The following CA6 variants were observed in gnomAD, a reference collection of about 807,000 sequenced individuals.
CA6 encodes the protein carbonate dehydratase VI.
In CA6, 28 loss-of-function variants were observed where a neutral mutation model predicts 35.9. The observed-to-expected ratio is 0.78, with a 90% CI of 0.58 to 1.07. CA6 has a LOEUF of 1.07. Ranked by LOEUF, CA6 falls within the 50% of genes least tolerant of loss-of-function variation. CA6 has a pLI of 0.00. For synonymous variants in CA6, 148 were observed against 152.6 expected (o/e 0.97, Z 0.22); for missense variants, 377 against 382.0 (o/e 0.99, Z 0.11).
chr1:8,946,093 A>G, intron 1 of CA6, 128 bp downstream of exon 1: 2 of 634,586 alleles, frequency 3.2e-6, no homozygotes, highest in Non-Finnish European at 5.4e-6. Flanking sequence ...GCTTGAGTAC[A>G]GTAGTGTGAT....
intron 2 of CA6, among the ~76,000 whole-genome samples, chr1:8,950,510 T>C (rs11121273): frequency 0.17 from 25,757 of 151,774 alleles, 2,418 homozygotes; most frequent in East Asian, 0.38. Flanking sequence ...CCTCCTTAGG[T>C]TCTGCACTCT....
rs779631042 is a variant in CA6, at chr1:8,951,647, G to A, written c.259+2205G>A. 1.7e-5 allele frequency: 13 copies of A among 765,026 alleles called. No individual in the cohort carries two copies. In the Admixed American group the frequency reaches 2.2e-4, roughly 13 times the overall value. The allele number at this position is 765,026 out of a possible 1,614,324, so 47.4% of individuals were successfully genotyped here. The stretch of plus-strand genomic sequence containing the variant: ...AGAGAAGAGCCCAGCTTCCCAAGGG[G>A]CTTGCAGCGGCTCCCGCCTCCCAAT... On this transcript the variant is annotated intron_variant, in intron 2 of 7. Transcript: ENST00000377443.
At chr1:8,955,459 TA>T (rs1249196286) in intron 2 of CA6, among the ~76,000 whole-genome samples, 1 of 152,204 alleles carries the variant, frequency 6.6e-6, no homozygotes, top group Non-Finnish European at 1.5e-5. Context: ...CCTGTCAGTG[TA>T]ACCAGAAGTA....
intron 1 of CA6, among the ~76,000 whole-genome samples, chr1:8,948,049 G>A (rs974868481): frequency 6.6e-6 from 1 of 151,994 alleles, no homozygotes; most frequent in Non-Finnish European, 1.5e-5. Flanking sequence ...GTTTCTCCAG[G>A]TTTGTCAGGG....
chr1:8,957,560 C>T (rs548953005), intron 3 of CA6, among the ~76,000 whole-genome samples: 7 of 152,208 alleles, frequency 4.6e-5, no homozygotes, highest in South Asian at 4.1e-4. Context: ...AGGCTGGTCT[C>T]GAACTCTTGA....
chr1:8,954,167 A>C (rs1569672300), intron 2 of CA6, among the ~76,000 whole-genome samples: 2 of 140,654 alleles, frequency 1.4e-5, no homozygotes, highest in Admixed American at 7.4e-5. Flanking sequence ...TTATTCCACT[A>C]CTTCCGTTTT....
chr1:8,974,387 A>G lies in CA6; in HGVS notation c.845-235A>G, dbSNP rs191566022. On this transcript the variant is annotated intron_variant, in intron 7 of 7. Coordinates refer to ENST00000377443, the MANE Select transcript of CA6 (RefSeq NM_001215.4). ...GGCATCGTGGGAGAAGCCAAAATCC[A>G]AGAGTACAGCCCACCTCAACACGCC... 585 of 1,538,832 alleles carry G rather than the reference A, an allele frequency of 3.8e-4. 1 individual carries two copies. The African/African-American group carries it at 7.2e-3, about 19-fold the overall frequency.
chr1:8,958,821 A>C, intron 3 of CA6, 89 bp from the exon 4 acceptor site: 1 of 738,082 alleles, frequency 1.4e-6, no homozygotes, highest in Non-Finnish European at 2.4e-6. Flanking sequence ...CAGACGGAGC[A>C]CCTTTCTTTC....
intron 1 of CA6, among the ~76,000 whole-genome samples, chr1:8,947,192 G>A (rs1367369120): frequency 6.6e-6 from 1 of 152,106 alleles, no homozygotes; most frequent in East Asian, 1.9e-4. Context: ...AGAAGGCCGT[G>A]TCTGTGGACT....
At chr1:8,974,577 AC>A in intron 7 of CA6, 44 bp from the exon 8 acceptor site, 1 of 1,466,494 alleles carries the variant, frequency 6.8e-7, no homozygotes, top group Non-Finnish European at 9.5e-7. Flanking sequence ...TTTTGTGAGG[AC>A]TGTACAAGGT....
rs1173408031 is a variant in CA6 at position 8,973,710 on chromosome 1, CTCTTTCTTTCTTTCTT to C, written c.845-850_845-835del. On this transcript the variant is annotated intron_variant, in intron 7 of 7. Coordinates refer to ENST00000377443, the MANE Select transcript of CA6 (RefSeq NM_001215.4). ...CTCAGGCCTGGATTTTTCTTTCTCT[CTCTTTCTTTCTTTCTT>C]TCTTTCTTTCTTTCTTTCTTTCTTT... 5.3e-3 allele frequency among the ~76,000 whole-genome samples: 562 copies of C among 106,450 alleles called. 21 individuals carry two copies. Among genetic ancestry groups the C allele is most frequent in the Non-Finnish European group, 6.1e-3 (317 of 52,348 alleles). 69.8% of individuals were successfully genotyped at this position (106,450 alleles called of 152,430 possible). A position where few individuals can be genotyped will look rare whatever the true frequency, so the allele number is the denominator to read the frequency against.
chr1:8,968,367 C>A (rs1640025602), intron 6 of CA6, among the ~76,000 whole-genome samples: 1 of 152,042 alleles, frequency 6.6e-6, no homozygotes, highest in Admixed American at 6.6e-5. Flanking sequence ...GCTAGAAGTG[C>A]CCCCAGACAC....
At chr1:8,952,111 A>C (rs1369783970) in intron 2 of CA6, 1 of 141,370 alleles carries the variant, frequency 7.1e-6, no homozygotes, top group African/African-American at 2.7e-5. Flanking sequence ...CGAGCCACCA[A>C]GGCTGGCCAT....
At chr1:8,973,829 C>T (rs1001782874) in intron 7 of CA6, among the ~76,000 whole-genome samples, 6 of 144,658 alleles carry the variant, frequency 4.1e-5, no homozygotes, top group Admixed American at 3.6e-4. Context: ...CTTTCTTCCT[C>T]TCTTTCTTTC....
chr1:8,971,665 CTG>C (rs895192246), intron 7 of CA6, among the ~76,000 whole-genome samples: 10 of 152,276 alleles, frequency 6.6e-5, no homozygotes, highest in African/African-American at 2.2e-4. Flanking sequence ...TGATCATAGT[CTG>C]TGTTATGAAC....
intron 1 of CA6, 152 bp from the exon 2 acceptor site, chr1:8,949,111 G>C (rs41278976): frequency 2.1e-4 from 111 of 533,404 alleles, no homozygotes; most frequent in Non-Finnish European, 2.9e-4. Flanking sequence ...TGTCTTTTTG[G>C]CCTCCTTCTG....
intron 5 of CA6, among the ~76,000 whole-genome samples, chr1:8,965,716 C>T (rs1281967756): frequency 6.6e-6 from 1 of 151,912 alleles, no homozygotes; most frequent in Non-Finnish European, 1.5e-5. Flanking sequence ...GGTGAAACCC[C>T]GTCCCTACTA....
intron 3 of CA6, 138 bp from the exon 4 acceptor site, chr1:8,958,772 T>C (rs952124891): frequency 1.8e-6 from 1 of 550,252 alleles, no homozygotes; most frequent in Non-Finnish European, 3.3e-6. Context: ...TGGAGAGAGA[T>C]GGAGGTCCAA....
At chr1:8,946,695 C>A (rs1325264889) in intron 1 of CA6, among the ~76,000 whole-genome samples, 1 of 151,902 alleles carries the variant, frequency 6.6e-6, no homozygotes, top group East Asian at 1.9e-4. Context: ...GTTTGCGAGA[C>A]CTTCTTTCTT....
Sources: allele counts gnomAD v4.1 joint callset (sites outside exome capture counted in the v4.1 genomes callset), GRCh38; gene constraint gnomAD v4.1.1; transcripts MANE v1.5; gene names NCBI Gene and HGNC (gene_info 2026-07-23, HGNC 2026-07-21).